The following IL12RB2 variants were observed in gnomAD, a reference collection of about 807,000 sequenced individuals.
IL12RB2 encodes the protein interleukin 12 receptor subunit beta 2.
A neutral mutation model predicts 89.4 loss-of-function variants in IL12RB2; 82 were observed. That is an observed-to-expected ratio of 0.92 (90% CI 0.77 to 1.10). IL12RB2 has a LOEUF of 1.10. Among genes scored for constraint, IL12RB2 ranks in the 50% least tolerant of loss-of-function variants. IL12RB2 has a pLI of 0.00. For missense variants in IL12RB2, 963 were observed against 1,031.9 expected (o/e 0.93, Z 0.92); for synonymous variants, 368 against 370.1 (o/e 0.99, Z 0.07).
chr1:67,373,984 T>C (rs944090965), intron 13 of IL12RB2, among the ~76,000 whole-genome samples: 16 of 152,204 alleles, frequency 1.1e-4, no homozygotes, highest in East Asian at 7.7e-4. Context: ...AACATGAAGA[T>C]AGTTCAGAAA....
chr1:67,320,493 T>C lies in IL12RB2; in HGVS notation c.76+49T>C, dbSNP rs1309986297. Reference sequence around the variant, plus strand: ...CTGTGGAAGAATTTGTGGTTTAAATTCTCAGTTACAGATGAAGTATGTATT... The same window carrying C: ...CTGTGGAAGAATTTGTGGTTTAAATCCTCAGTTACAGATGAAGTATGTATT... On this transcript the variant is annotated intron_variant, in intron 3 of 16. Coordinates refer to ENST00000674203, the MANE Select transcript of IL12RB2 (RefSeq NM_001374259.2). 10 of 1,611,634 alleles carry C rather than the reference T, an allele frequency of 6.2e-6. No individual in the cohort carries two copies. The East Asian group carries it at 2.2e-4, about 36-fold the overall frequency.
rs548007964 is a variant in IL12RB2 at position 67,308,509 on chromosome 1, G to C, written c.-125+542G>C. ...GCCTCTGGACTGACCCCGAGTCCCT[G>C]CCTGGCCAGTTACTAGCAAGATGCT... On this transcript the variant is annotated intron_variant, in intron 1 of 16. Transcript: ENST00000674203. Among the ~76,000 whole-genome samples the C allele has an allele frequency of 3.3e-5, 5 of 152,232 alleles. No homozygotes were observed. In the East Asian group the frequency reaches 9.7e-4, roughly 29 times the overall value.
At chr1:67,388,536 G>C (rs1665472852) in intron 15 of IL12RB2, among the ~76,000 whole-genome samples, 1 of 152,046 alleles carries the variant, frequency 6.6e-6, no homozygotes, top group African/African-American at 2.4e-5. Context: ...GGTAGAGATG[G>C]GGTTTCACCA....
intron 8 of IL12RB2, among the ~76,000 whole-genome samples, chr1:67,334,671 G>A: frequency 6.6e-6 from 1 of 152,094 alleles, no homozygotes; most frequent in African/African-American, 2.4e-5. Flanking sequence ...AGTAGAGACA[G>A]GGTTTCACCG....
At chr1:67,350,307 C>T (rs923951121) in intron 9 of IL12RB2, among the ~76,000 whole-genome samples, 2 of 152,254 alleles carry the variant, frequency 1.3e-5, no homozygotes, top group South Asian at 2.1e-4. Context: ...GTTAGTTACA[C>T]GTTTATGAAC....
At chr1:67,369,192 A>G (rs187831637) in intron 11 of IL12RB2, among the ~76,000 whole-genome samples, 70 of 152,286 alleles carry the variant, frequency 4.6e-4, no homozygotes, top group African/African-American at 1.7e-3. Context: ...TGCCTACATA[A>G]CCTAGTCAGC....
intron 9 of IL12RB2, among the ~76,000 whole-genome samples, chr1:67,345,490 G>A (rs1557428360): frequency 6.6e-6 from 1 of 152,202 alleles, no homozygotes; most frequent in African/African-American, 2.4e-5. Flanking sequence ...GAAAAAGCTT[G>A]TTAAAAGTAG....
chr1:67,338,701 A>C lies in IL12RB2; in HGVS notation c.1036A>C (p.Lys346Gln). The C allele has an allele frequency of 6.8e-7, 1 of 1,479,744 alleles. No individual in the cohort carries two copies. Among genetic ancestry groups the C allele is most frequent in the Non-Finnish European group, 9.5e-7 (1 of 1,057,428 alleles). The allele number at this position is 1,479,744 out of a possible 1,614,324, so 91.7% of individuals were successfully genotyped here. Reference protein sequence around the residue: ...YSRQQISLFWKNLSVSEARGK... With the variant: ...YSRQQISLFWQNLSVSEARGK... ...TAGACAACAGATTTCTCTTTTCTGG[A>C]AGGTGAGTTTTAAGCGTCAACTTAA... Residue 346 changes from lysine to glutamine, a missense_variant and splice_region_variant, in exon 9 of 17, where the codon AAG (lysine) becomes CAG (glutamine). Lys to Gln is a moderately conservative substitution (Grantham distance 53). Transcript: ENST00000674203.
At chr1:67,350,382 G>T (rs370111670) in intron 9 of IL12RB2, among the ~76,000 whole-genome samples, 1 of 151,432 alleles carries the variant, frequency 6.6e-6, no homozygotes, top group South Asian at 2.1e-4. Flanking sequence ...TACTAGTTTA[G>T]CTCTTGAAAA....
At chr1:67,330,276 A>ATTTT (rs1558307810) in intron 7 of IL12RB2, among the ~76,000 whole-genome samples, 540 of 11,782 alleles carry the variant, frequency 0.046, 7 homozygotes, top group East Asian at 0.33. Flanking sequence ...GTTTTTTTAA[A>ATTTT]AAAAAAAAAA....
At chr1:67,374,746 G>A (rs1304367910) in intron 13 of IL12RB2, among the ~76,000 whole-genome samples, 4 of 141,042 alleles carry the variant, frequency 2.8e-5, no homozygotes, top group Non-Finnish European at 6.1e-5. Flanking sequence ...ACAGTGCTGA[G>A]ATTACAGGCG....
chr1:67,368,153 A>G lies in IL12RB2; in HGVS notation c.1459+128A>G. On this transcript the variant is annotated intron_variant, in intron 11 of 16. Transcript: ENST00000674203. ...ACATGATGAGAGAGACTGATGACCT[A>G]GAGTCCACCCAGCAGCACTTTAGAC... The G allele has an allele frequency of 8.5e-6, 6 of 709,572 alleles. No individual in the cohort carries two copies. The Admixed American group carries it at 1.2e-4, about 14-fold the overall frequency. 44.0% of individuals were successfully genotyped at this position (709,572 alleles called of 1,614,324 possible).
rs147139095 is a variant in IL12RB2, at chr1:67,328,284, C to T, written c.564C>T (p.Thr188=). 131 of 1,614,094 alleles carry T rather than the reference C, an allele frequency of 8.1e-5. 2 individuals carry two copies. The highest frequency in any genetic ancestry group is 8.0e-4 in the Admixed American group (48 of 60,026). ...CDYLDFGINL[T]PESPESNFTA... is the part of the protein sequence containing the mutation. ...ATTTGGACTTTGGAATCAACCTCAC[C>T]CCTGAATCACCTGAATCCAATTTCA... The change falls in exon 6 of 17, where the codon ACC becomes ACT. Residue 188 remains threonine (T), a synonymous_variant. Coordinates refer to ENST00000674203, the MANE Select transcript of IL12RB2 (RefSeq NM_001374259.2).
At chr1:67,358,858 T>C (rs1195504052) in intron 10 of IL12RB2, among the ~76,000 whole-genome samples, 1 of 151,990 alleles carries the variant, frequency 6.6e-6, no homozygotes, top group Non-Finnish European at 1.5e-5. Context: ...ATAAAAAACT[T>C]AGCCCAGGTG....
At chr1:67,393,303 G>A (rs1227880835) in intron 16 of IL12RB2, among the ~76,000 whole-genome samples, 3 of 152,152 alleles carry the variant, frequency 2.0e-5, no homozygotes, top group African/African-American at 4.8e-5. Flanking sequence ...GCTTGTAAAA[G>A]CTTAAAATAG....
intron 10 of IL12RB2, among the ~76,000 whole-genome samples, chr1:67,360,589 A>T (rs953951043): frequency 6.6e-6 from 1 of 152,026 alleles, no homozygotes. Context: ...TGAGGTCAGG[A>T]GTTTGAGACC....
At chr1:67,307,863 G>A (rs1040518903), upstream of IL12RB2, 3 of 152,084 alleles carry the variant, frequency 2.0e-5, no homozygotes, top group Admixed American at 6.5e-5. Context: ...GGGAACGCCC[G>A]AGCGCCGGCA....
At chr1:67,359,607 A>T (rs544046620) in intron 10 of IL12RB2, among the ~76,000 whole-genome samples, 2 of 152,172 alleles carry the variant, frequency 1.3e-5, no homozygotes, top group South Asian at 4.2e-4. Flanking sequence ...CCTTAATCTC[A>T]GCTACTCCAG....
intron 11 of IL12RB2, among the ~76,000 whole-genome samples, chr1:67,369,214 G>A (rs1473317877): frequency 6.6e-6 from 1 of 152,192 alleles, no homozygotes. Context: ...TCCAGAGGAA[G>A]ATGACCAAGT....
Sources: gnomAD v4.1 joint callset for allele counts (sites outside exome capture counted in the v4.1 genomes callset) on GRCh38, gnomAD v4.1.1 for gene constraint, MANE v1.5 for transcripts, NCBI Gene and HGNC (gene_info 2026-07-23, HGNC 2026-07-21) for gene names.